Variants in ST6GALNAC3 observed in about 807,000 individuals in gnomAD.
ST6GALNAC3 encodes ST6 N-acetylgalactosaminide alpha-2,6-sialyltransferase 3, also known as alpha-N-acetylgalactosaminide alpha-2,6-sialyltransferase 3.
ST6GALNAC3 carries 25 observed loss-of-function variants against 32.7 expected under a neutral mutation model. The observed-to-expected ratio is 0.76, with a 90% confidence interval of 0.56 to 1.07. ST6GALNAC3 has a LOEUF of 1.07. Ranked by LOEUF, ST6GALNAC3 falls within the 50% of genes least tolerant of loss-of-function variation. ST6GALNAC3 has a pLI of 0.00. For missense variants in ST6GALNAC3, 355 were observed against 382.4 expected (o/e 0.93, Z 0.60); for synonymous variants, 129 against 133.1 (o/e 0.97, Z 0.21).
At chr1:76,473,033 C>T (rs1659134082) in intron 3 of ST6GALNAC3, among the ~76,000 whole-genome samples, 1 of 151,912 alleles carries the variant, frequency 6.6e-6, no homozygotes, top group African/African-American at 2.4e-5. Context: ...ATAGAAGGGG[C>T]TTCTTGTTCT....
At chr1:76,324,562 C>T (rs1043874775) in intron 2 of ST6GALNAC3, among the ~76,000 whole-genome samples, 1 of 152,118 alleles carries the variant, frequency 6.6e-6, no homozygotes, top group African/African-American at 2.4e-5. Flanking sequence ...GGCCGTTCTA[C>T]AGAACACGTG....
chr1:76,415,106 T>C (rs189824311), intron 3 of ST6GALNAC3, among the ~76,000 whole-genome samples: 1 of 151,328 alleles, frequency 6.6e-6, no homozygotes, highest in African/African-American at 2.4e-5. Context: ...GTTAATCACA[T>C]TCCCATGATC....
At chr1:76,316,649 T>TG (rs1267315794) in intron 2 of ST6GALNAC3, among the ~76,000 whole-genome samples, 1 of 151,708 alleles carries the variant, frequency 6.6e-6, no homozygotes, top group East Asian at 1.9e-4. Flanking sequence ...CTGAGAGGAG[T>TG]GGGCAGCTTG....
chr1:76,477,005 C>T (rs1233068330), intron 3 of ST6GALNAC3, among the ~76,000 whole-genome samples: 1 of 152,108 alleles, frequency 6.6e-6, no homozygotes, highest in Non-Finnish European at 1.5e-5. Flanking sequence ...AAGTGGTGAT[C>T]CAGGTTAGTC....
chr1:76,587,001 G>A (rs1026134319), intron 3 of ST6GALNAC3, among the ~76,000 whole-genome samples: 2 of 152,168 alleles, frequency 1.3e-5, no homozygotes, highest in African/African-American at 4.8e-5. Flanking sequence ...TAACCTTTAA[G>A]TTAGACTGTG....
chr1:76,357,130 C>CTT (rs55786044), intron 2 of ST6GALNAC3, among the ~76,000 whole-genome samples: 3 of 111,176 alleles, frequency 2.7e-5, no homozygotes, highest in Admixed American at 1.2e-4. Flanking sequence ...TTTTCTTTTT[C>CTT]TTTTTTTTTT....
chr1:76,404,837 A>G (rs1490835096), intron 2 of ST6GALNAC3, among the ~76,000 whole-genome samples: 1 of 152,134 alleles, frequency 6.6e-6, no homozygotes, highest in East Asian at 1.9e-4. Context: ...CCCATCTCCA[A>G]TTTTTAAAAT....
At chr1:76,473,148 C>T (rs1163226640) in intron 3 of ST6GALNAC3, among the ~76,000 whole-genome samples, 1 of 152,094 alleles carries the variant, frequency 6.6e-6, no homozygotes, top group African/African-American at 2.4e-5. Context: ...TAACAGCTTA[C>T]TGTCTCTGTG....
intron 3 of ST6GALNAC3, among the ~76,000 whole-genome samples, chr1:76,570,106 G>C (rs1665775207): frequency 6.6e-6 from 1 of 152,118 alleles, no homozygotes; most frequent in South Asian, 2.1e-4. Context: ...GGAAATAATG[G>C]ATCTAATTTA....
intron 1 of ST6GALNAC3, among the ~76,000 whole-genome samples, chr1:76,136,520 G>GAA (rs5775326): frequency 6.7e-6 from 1 of 149,544 alleles, no homozygotes; most frequent in South Asian, 2.1e-4. Flanking sequence ...TTTCACAGGA[G>GAA]AAAAAAAAAA....
Position 76,435,758 on chromosome 1 carries a change from T to C in ST6GALNAC3, c.623+23341T>C, listed in dbSNP as rs1656094546. 3.3e-5 allele frequency among the ~76,000 whole-genome samples: 5 copies of C among 152,310 alleles called. No homozygotes were observed. In the South Asian group the frequency reaches 1.0e-3, roughly 32 times the overall value. ...AATAATAAATTTGATGTGTTCATGGTTGCATTGGTAATTAGTTTCAGCTGA... is the reference window on the plus strand; with the variant it reads ...AATAATAAATTTGATGTGTTCATGGCTGCATTGGTAATTAGTTTCAGCTGA... On this transcript the variant is annotated intron_variant, in intron 3 of 4. Coordinates refer to ENST00000328299, the MANE Select transcript of ST6GALNAC3 (RefSeq NM_152996.4).
At chr1:76,432,672 G>A (rs137964213) in intron 3 of ST6GALNAC3, among the ~76,000 whole-genome samples, 2 of 151,854 alleles carry the variant, frequency 1.3e-5, no homozygotes, top group East Asian at 3.9e-4. Flanking sequence ...GCCTAGGCTG[G>A]TTTTGAACTT....
intron 1 of ST6GALNAC3, among the ~76,000 whole-genome samples, chr1:76,111,446 TAAA>T (rs751154592): frequency 2.0e-5 from 3 of 150,678 alleles, no homozygotes; most frequent in Non-Finnish European, 4.4e-5. Context: ...TTTTTCATAA[TAAA>T]ATAATTTTAT....
rs1304914677 is a variant in ST6GALNAC3 at position 76,633,082 on chromosome 1, C to G, written c.*4276C>G. 1 of 152,166 alleles carries G rather than the reference C, an allele frequency of 6.6e-6. No individual in the cohort carries two copies. The highest frequency in any genetic ancestry group is 2.4e-5 in the African/African-American group (1 of 41,432). 9.4% of individuals were successfully genotyped at this position (152,166 alleles called of 1,614,324 possible). ...AGCTGAAAGAGATTTTAAAGACCAG[C>G]CAATTCAACTCCTACACCTTGGAGC... On this transcript the variant is annotated 3_prime_UTR_variant, in exon 5 of 5. Transcript: ENST00000328299.
chr1:76,420,428 G>T (rs1480706316), intron 3 of ST6GALNAC3, among the ~76,000 whole-genome samples: 2 of 152,050 alleles, frequency 1.3e-5, no homozygotes, highest in Non-Finnish European at 2.9e-5. Context: ...TTCAACTGGA[G>T]ACTTGTGTAT....
At chr1:76,584,436 T>C (rs1430027028) in intron 3 of ST6GALNAC3, among the ~76,000 whole-genome samples, 2 of 152,226 alleles carry the variant, frequency 1.3e-5, no homozygotes, top group East Asian at 3.8e-4. Context: ...GCAAATCATG[T>C]CTGTCAATCT....
intron 1 of ST6GALNAC3, among the ~76,000 whole-genome samples, chr1:76,242,430 T>C (rs538999641): frequency 8.6e-5 from 13 of 152,030 alleles, no homozygotes; most frequent in Non-Finnish European, 1.6e-4. Flanking sequence ...CCAGATACCT[T>C]CTTTTCCTTT....
chr1:76,569,999 A>C (rs1200364689), intron 3 of ST6GALNAC3, among the ~76,000 whole-genome samples: 3 of 152,138 alleles, frequency 2.0e-5, no homozygotes, highest in African/African-American at 4.8e-5. Flanking sequence ...AGTCTAAATC[A>C]CTGATCATTT....
At chr1:76,500,170 T>G (rs1306386708) in intron 3 of ST6GALNAC3, among the ~76,000 whole-genome samples, 1 of 152,214 alleles carries the variant, frequency 6.6e-6, no homozygotes, top group African/African-American at 2.4e-5. Context: ...TCATATAACC[T>G]ATTACTTCAG....
Sources: gnomAD v4.1 joint callset for allele counts (sites outside exome capture counted in the v4.1 genomes callset) on GRCh38, gnomAD v4.1.1 for gene constraint, MANE v1.5 for transcripts, NCBI Gene and HGNC (gene_info 2026-07-23, HGNC 2026-07-21) for gene names.